SGCZ: variants seen among roughly 807,000 people sequenced by gnomAD.
The protein encoded by SGCZ is sarcoglycan zeta.
A neutral mutation model predicts 41.3 loss-of-function variants in SGCZ; 40 were observed. The observed-to-expected ratio is 0.97, with a 90% CI of 0.75 to 1.26. The LOEUF (loss-of-function observed/expected upper bound fraction) is 1.26, where lower values mean the gene tolerates loss of function less well. SGCZ is among the 50% of genes most tolerant of loss of function. SGCZ has a pLI of 0.00. For missense variants in SGCZ, 552 were observed against 369.8 expected (o/e 1.49, Z -4.04); for synonymous variants, 206 against 137.5 (o/e 1.50, Z -3.49).
chr8:14,443,852 A>G (rs1800348171), intron 2 of SGCZ, among the ~76,000 whole-genome samples: 1 of 152,192 alleles, frequency 6.6e-6, no homozygotes, highest in African/African-American at 2.4e-5. Flanking sequence ...AGCAAAAGAA[A>G]CTAACATCAG....
chr8:14,702,758 TAGATAGATAGATAGATAGATAGAC>T (rs1353897609), intron 1 of SGCZ, among the ~76,000 whole-genome samples: 19 of 133,578 alleles, frequency 1.4e-4, no homozygotes, highest in African/African-American at 4.6e-4. Flanking sequence ...GATAGATAGA[TAGATAGATAGATAGATAGATAGAC>T]AGACAGACAG....
chr8:14,286,275 G>C (rs1800624437), intron 3 of SGCZ, among the ~76,000 whole-genome samples: 1 of 152,018 alleles, frequency 6.6e-6, no homozygotes, highest in African/African-American at 2.4e-5. Context: ...TAACATTTTA[G>C]ACATCTGGCT....
At chr8:14,229,545 A>C (rs1806487511) in intron 4 of SGCZ, among the ~76,000 whole-genome samples, 1 of 152,058 alleles carries the variant, frequency 6.6e-6, no homozygotes, top group Admixed American at 6.6e-5. Context: ...GTAGTATTAA[A>C]CCTAAGTATT....
intron 1 of SGCZ, among the ~76,000 whole-genome samples, chr8:15,006,258 A>G (rs1802604341): frequency 2.0e-5 from 3 of 152,324 alleles, no homozygotes; most frequent in East Asian, 1.9e-4. Context: ...CGGAATAGCA[A>G]TGGCCATGAT....
At chr8:14,859,697 T>C (rs1313279740) in intron 1 of SGCZ, among the ~76,000 whole-genome samples, 1 of 152,158 alleles carries the variant, frequency 6.6e-6, no homozygotes, top group Non-Finnish European at 1.5e-5. Context: ...CAAAGTTACA[T>C]CTGCATGATA....
At chr8:15,087,969 A>T (rs913028372) in intron 1 of SGCZ, among the ~76,000 whole-genome samples, 1 of 149,388 alleles carries the variant, frequency 6.7e-6, no homozygotes, top group Non-Finnish European at 1.5e-5. Context: ...TTTAGTAACC[A>T]CCATTACTAT....
intron 2 of SGCZ, among the ~76,000 whole-genome samples, chr8:14,344,795 G>A (rs138493970): frequency 6.0e-4 from 92 of 152,086 alleles, no homozygotes; most frequent in African/African-American, 2.0e-3. Flanking sequence ...TATAAACCAC[G>A]ATGATATAGC....
At chr8:14,932,416 G>A (rs929344974) in intron 1 of SGCZ, among the ~76,000 whole-genome samples, 3 of 151,928 alleles carry the variant, frequency 2.0e-5, no homozygotes, top group African/African-American at 7.3e-5. Context: ...ATGATGTAAA[G>A]GATGCAATAA....
intron 1 of SGCZ, among the ~76,000 whole-genome samples, chr8:15,125,400 G>A (rs2116960100): frequency 6.6e-6 from 1 of 152,222 alleles, no homozygotes; most frequent in African/African-American, 2.4e-5. Context: ...TCTACAAAAA[G>A]TGGTGAATTC....
intron 1 of SGCZ, among the ~76,000 whole-genome samples, chr8:15,177,051 T>C (rs896679072): frequency 3.3e-5 from 5 of 152,170 alleles, no homozygotes; most frequent in African/African-American, 1.2e-4. Context: ...AAACTATATG[T>C]TAACACTTTT....
intron 1 of SGCZ, among the ~76,000 whole-genome samples, chr8:14,889,724 T>A (rs1366691288): frequency 6.6e-6 from 1 of 152,142 alleles, no homozygotes; most frequent in African/African-American, 2.4e-5. Flanking sequence ...TTATTTTAAA[T>A]ACACAAAATA....
chr8:15,101,352 T>G (rs532090568), intron 1 of SGCZ, among the ~76,000 whole-genome samples: 2 of 152,272 alleles, frequency 1.3e-5, no homozygotes, highest in Admixed American at 6.5e-5. Context: ...GATAAAAGAC[T>G]TCAATATATA....
In SGCZ at chr8:14,089,389, A is replaced by G. The variant is rs756422019; in HGVS notation, c.*1054T>C. Among the ~76,000 whole-genome samples, 3 of 152,002 alleles carry G rather than the reference A, an allele frequency of 2.0e-5. No homozygotes were observed. The highest frequency in any genetic ancestry group is 6.6e-5 in the Admixed American group (1 of 15,232). ...TTTAAATCTTAACCTCCAATAAAAA[A>G]TAGATGGAGAATAATTCTGAAGATG... On this transcript the variant is annotated 3_prime_UTR_variant, in exon 8 of 8. Coordinates refer to ENST00000382080, the MANE Select transcript of SGCZ (RefSeq NM_139167.4).
chr8:14,582,690 G>A (rs1804932078), intron 1 of SGCZ, among the ~76,000 whole-genome samples: 1 of 125,884 alleles, frequency 7.9e-6, no homozygotes, highest in African/African-American at 3.2e-5. Flanking sequence ...CCCAGAGTGT[G>A]ATGTTCCCCT....
Position 14,369,662 on chromosome 8 carries a change from A to T in SGCZ, c.235-45458T>A, listed in dbSNP as rs956071435. On this transcript the variant is annotated intron_variant, in intron 2 of 7. Coordinates refer to ENST00000382080, the MANE Select transcript of SGCZ (RefSeq NM_139167.4). Reference sequence around the variant, plus strand: ...AACAAACATTATTAACATATTAATGATTGTTCTTTTAATTAAGTAATCAAG... The same window carrying T: ...AACAAACATTATTAACATATTAATGTTTGTTCTTTTAATTAAGTAATCAAG... Among the ~76,000 whole-genome samples the T allele has an allele frequency of 3.3e-5, 5 of 152,136 alleles. No individual in the cohort carries two copies. The South Asian group carries it at 8.3e-4, about 25-fold the overall frequency.
chr8:14,474,458 A>G (rs576034667), intron 2 of SGCZ, among the ~76,000 whole-genome samples: 26 of 152,304 alleles, frequency 1.7e-4, no homozygotes, highest in African/African-American at 6.3e-4. Context: ...ATTAGTTCTT[A>G]AACCTATTTG....
intron 1 of SGCZ, among the ~76,000 whole-genome samples, chr8:14,574,340 T>C (rs1190818546): frequency 2.7e-5 from 4 of 149,472 alleles, no homozygotes; most frequent in Admixed American, 2.7e-4. Flanking sequence ...TTCCTTTTCC[T>C]CAAAGTGGTT....
chr8:15,020,594 G>C (rs749476601), intron 1 of SGCZ, among the ~76,000 whole-genome samples: 54 of 152,176 alleles, frequency 3.5e-4, no homozygotes, highest in Admixed American at 2.2e-3. Context: ...ACCTCAACCA[G>C]ATACACAATT....
chr8:14,544,364 A>C (rs1231071155), intron 2 of SGCZ, among the ~76,000 whole-genome samples: 5 of 152,130 alleles, frequency 3.3e-5, no homozygotes, highest in African/African-American at 1.2e-4. Context: ...CACCTTGAAA[A>C]ATAACAGAAT....
Sources: allele counts gnomAD v4.1 joint callset (sites outside exome capture counted in the v4.1 genomes callset), GRCh38; gene constraint gnomAD v4.1.1; transcripts MANE v1.5; gene names NCBI Gene and HGNC (gene_info 2026-07-23, HGNC 2026-07-21).